The following KAT6A variants were observed in gnomAD, a reference collection of about 807,000 sequenced individuals.
The protein encoded by KAT6A is histone acetyltransferase KAT6A.
Under a neutral mutation model 198.4 loss-of-function variants are expected in KAT6A, and 9 were observed. The ratio of observed to expected loss-of-function variants is 0.05; its 90% confidence interval spans 0.03 to 0.08. KAT6A has a LOEUF of 0.08. KAT6A is among the 10% of genes least tolerant of loss of function. The pLI is 1.00. For missense variants in KAT6A, 2,077 were observed against 2,509.9 expected (o/e 0.83, Z 3.69); for synonymous variants, 890 against 883.0 (o/e 1.01, Z -0.14).
intron 9 of KAT6A, among the ~76,000 whole-genome samples, chr8:41,950,957 G>A (rs1325692701): frequency 6.6e-6 from 1 of 151,994 alleles, no homozygotes; most frequent in Non-Finnish European, 1.5e-5. Flanking sequence ...GAGGAAGGGA[G>A]GGAGGAAGGG....
At chr8:41,953,175 C>G (rs1019074676) in intron 9 of KAT6A, among the ~76,000 whole-genome samples, 1 of 152,134 alleles carries the variant, frequency 6.6e-6, no homozygotes, top group African/African-American at 2.4e-5. Flanking sequence ...CTTTAAATAT[C>G]TATCTTAAAA....
chr8:42,002,929 C>T (rs749821116), intron 2 of KAT6A, among the ~76,000 whole-genome samples: 2 of 152,142 alleles, frequency 1.3e-5, no homozygotes, highest in Non-Finnish European at 2.9e-5. Flanking sequence ...TTGATCCATA[C>T]TGCCAAAGTG....
chr8:42,007,316 G>T (rs534812758), intron 2 of KAT6A, among the ~76,000 whole-genome samples: 1 of 152,252 alleles, frequency 6.6e-6, no homozygotes, highest in African/African-American at 2.4e-5. Context: ...CTCCAAATAT[G>T]GGGAACTGAC....
chr8:42,022,956 T>G (rs1439877255), intron 2 of KAT6A, among the ~76,000 whole-genome samples: 1 of 152,208 alleles, frequency 6.6e-6, no homozygotes, highest in African/African-American at 2.4e-5. Context: ...ATTAGACAAT[T>G]TCATCATTGT....
chr8:42,017,256 A>G (rs1826319615), intron 2 of KAT6A, among the ~76,000 whole-genome samples: 1 of 152,226 alleles, frequency 6.6e-6, no homozygotes, highest in African/African-American at 2.4e-5. Context: ...TGGGCTATTC[A>G]TTCATTTGTT....
intron 15 of KAT6A, among the ~76,000 whole-genome samples, chr8:41,938,720 T>C (rs906848470): frequency 6.6e-6 from 1 of 152,078 alleles, no homozygotes; most frequent in Non-Finnish European, 1.5e-5. Flanking sequence ...CCAAGGCAGG[T>C]GGACCGCCCA....
intron 12 of KAT6A, among the ~76,000 whole-genome samples, chr8:41,944,496 T>C (rs1822285043): frequency 6.6e-6 from 1 of 152,188 alleles, no homozygotes; most frequent in African/African-American, 2.4e-5. Context: ...AATATAAGTG[T>C]GGAACTGTGG....
intron 2 of KAT6A, among the ~76,000 whole-genome samples, chr8:42,031,465 C>T (rs938340279): frequency 6.6e-6 from 1 of 151,770 alleles, no homozygotes; most frequent in African/African-American, 2.4e-5. Context: ...TTCTATCATC[C>T]CCCTTCTAGT....
At chr8:42,031,038 A>AAGGGGG (rs35595569) in intron 2 of KAT6A, among the ~76,000 whole-genome samples, 18 of 113,394 alleles carry the variant, frequency 1.6e-4, no homozygotes, top group African/African-American at 6.4e-4. Context: ...AAAAAAAAAA[A>AAGGGGG]GGGGGGGGGG....
chr8:41,977,394 A>G lies in KAT6A; in HGVS notation c.1044-67T>C, dbSNP rs549577214. ...TACTTGTAAGGTTCCTTTTTAATAC[A>G]TAACATATAATTAGTAAGTAACCTA... On this transcript the variant is annotated intron_variant, in intron 6 of 16. Transcript: ENST00000265713. 1.2e-5 allele frequency: 12 copies of G among 1,030,712 alleles called. No homozygotes were observed. In the East Asian group the frequency reaches 1.7e-4, roughly 15 times the overall value. 63.8% of individuals were successfully genotyped at this position (1,030,712 alleles called of 1,614,324 possible). A position where few individuals can be genotyped will look rare whatever the true frequency, so the allele number is the denominator to read the frequency against.
At chr8:41,991,535 G>A (rs1824945478) in intron 2 of KAT6A, among the ~76,000 whole-genome samples, 1 of 152,034 alleles carries the variant, frequency 6.6e-6, no homozygotes, top group Non-Finnish European at 1.5e-5. Context: ...CCTGGATGGT[G>A]GTTTCATGGA....
intron 8 of KAT6A, among the ~76,000 whole-genome samples, chr8:41,960,740 G>A (rs1269130512): frequency 1.3e-5 from 2 of 151,626 alleles, no homozygotes; most frequent in Non-Finnish European, 1.5e-5. Context: ...TTCTGTCCTC[G>A]GCCATCTTAC....
intron 12 of KAT6A, among the ~76,000 whole-genome samples, chr8:41,944,959 G>T (rs759421483): frequency 6.6e-6 from 1 of 152,160 alleles, no homozygotes; most frequent in Non-Finnish European, 1.5e-5. Context: ...CTAAGAGAAG[G>T]CTTAATTAAC....
chr8:42,011,679 G>T (rs1041862593), intron 2 of KAT6A, among the ~76,000 whole-genome samples: 1 of 152,032 alleles, frequency 6.6e-6, no homozygotes, highest in Non-Finnish European at 1.5e-5. Flanking sequence ...AGCAGAGGTT[G>T]TGGTGAGCTG....
At chr8:42,028,729 T>C (rs189577945) in intron 2 of KAT6A, among the ~76,000 whole-genome samples, 26 of 152,340 alleles carry the variant, frequency 1.7e-4, no homozygotes, top group Non-Finnish European at 2.8e-4. Context: ...AAGATTATTA[T>C]TGACAGCTGA....
At chr8:42,004,784 C>T (rs1010876524) in intron 2 of KAT6A, among the ~76,000 whole-genome samples, 14 of 151,904 alleles carry the variant, frequency 9.2e-5, no homozygotes, top group South Asian at 2.1e-4. Context: ...AAATATTAGC[C>T]GGGTGTGGTG....
chr8:42,003,682 C>T (rs1825606241), intron 2 of KAT6A, among the ~76,000 whole-genome samples: 1 of 151,976 alleles, frequency 6.6e-6, no homozygotes, highest in Admixed American at 6.6e-5. Flanking sequence ...AATTTTGCTC[C>T]CTGAAAAATT....
intron 3 of KAT6A, 50 bp from the exon 4 acceptor site, chr8:41,982,004 C>T: frequency 9.5e-7 from 1 of 1,054,818 alleles, no homozygotes; most frequent in Non-Finnish European, 1.5e-6. Context: ...AACTATTTTG[C>T]TATTATAGTA....
chr8:41,960,506 C>CAAA (rs71548553), intron 8 of KAT6A, among the ~76,000 whole-genome samples: 60 of 85,074 alleles, frequency 7.1e-4, no homozygotes, highest in East Asian at 3.6e-3. Flanking sequence ...GACTCCGTCT[C>CAAA]AAAAAAAAAA....
Sources: allele counts gnomAD v4.1 joint callset (sites outside exome capture counted in the v4.1 genomes callset), GRCh38; gene constraint gnomAD v4.1.1; transcripts MANE v1.5; gene names NCBI Gene and HGNC (gene_info 2026-07-23, HGNC 2026-07-21).